Variants in FILIP1L observed in about 807,000 individuals in gnomAD.
FILIP1L encodes filamin A interacting protein 1 like.
A neutral mutation model predicts 96.6 loss-of-function variants in FILIP1L; 55 were observed. The ratio of observed to expected loss-of-function variants is 0.57; its 90% confidence interval spans 0.46 to 0.71. FILIP1L has a LOEUF of 0.71. FILIP1L is among the 30% of genes least tolerant of loss of function. The probability of loss-of-function intolerance (pLI) is 0.00; values close to 1 mark genes in which losing one functional copy is unlikely to be tolerated. For missense variants in FILIP1L, 1,304 were observed against 1,321.2 expected, an observed-to-expected ratio of 0.99 and a Z score of 0.20; for synonymous variants, 467 against 473.9, an observed-to-expected ratio of 0.99 and a Z score of 0.19.
chr3:100,073,766 A>G (rs1450358673), intron 1 of FILIP1L, among the ~76,000 whole-genome samples: 1 of 152,102 alleles, frequency 6.6e-6, no homozygotes, highest in Admixed American at 6.5e-5. Context: ...GCCGGGCAAG[A>G]TCTCCTGTTT....
chr3:100,046,270 A>G (rs1346963926), intron 1 of FILIP1L, among the ~76,000 whole-genome samples: 1 of 152,164 alleles, frequency 6.6e-6, no homozygotes, highest in African/African-American at 2.4e-5. Context: ...AGTTGTGAAA[A>G]TTCCTAATTC....
chr3:99,915,655 C>T (rs558294018), intron 4 of FILIP1L, among the ~76,000 whole-genome samples: 1 of 152,172 alleles, frequency 6.6e-6, no homozygotes, highest in East Asian at 1.9e-4. Flanking sequence ...TCACAGAGCA[C>T]TGTCTTGCCC....
intron 4 of FILIP1L, among the ~76,000 whole-genome samples, chr3:99,887,216 G>A (rs1236568300): frequency 2.0e-5 from 3 of 151,424 alleles, no homozygotes; most frequent in South Asian, 2.1e-4. Context: ...GCGGTTAGCC[G>A]AGATTGAGCC....
chr3:100,095,120 A>G (rs915235651), intron 1 of FILIP1L, among the ~76,000 whole-genome samples: 1 of 152,154 alleles, frequency 6.6e-6, no homozygotes, highest in Non-Finnish European at 1.5e-5. Context: ...ACCAGTACAT[A>G]CAGTCTTGAT....
intron 1 of FILIP1L, among the ~76,000 whole-genome samples, chr3:100,079,531 T>A (rs2065899880): frequency 6.6e-6 from 1 of 152,192 alleles, no homozygotes; most frequent in Non-Finnish European, 1.5e-5. Flanking sequence ...TATTTTATCA[T>A]GTCAGCAAAA....
intron 4 of FILIP1L, among the ~76,000 whole-genome samples, chr3:99,899,466 T>G (rs1006715216): frequency 2.6e-5 from 4 of 152,228 alleles, no homozygotes. Context: ...TTTCCATGAA[T>G]TATATTAATG....
At chr3:99,878,406 C>T (rs1705610046) in intron 4 of FILIP1L, among the ~76,000 whole-genome samples, 1 of 152,212 alleles carries the variant, frequency 6.6e-6, no homozygotes. Flanking sequence ...CACACCGCTA[C>T]TAAAGTAATG....
intron 1 of FILIP1L, among the ~76,000 whole-genome samples, chr3:100,030,600 G>A (rs2065007095): frequency 6.6e-6 from 1 of 152,106 alleles, no homozygotes; most frequent in African/African-American, 2.4e-5. Flanking sequence ...AAAAAAGCAG[G>A]CTAAGACTCC....
chr3:100,082,449 T>G (rs896938014), intron 1 of FILIP1L, among the ~76,000 whole-genome samples: 1 of 152,218 alleles, frequency 6.6e-6, no homozygotes, highest in Non-Finnish European at 1.5e-5. Context: ...GCTTTAAGAC[T>G]GGTAGTTAGT....
chr3:99,845,077 A>G (rs1213927752), intron 5 of FILIP1L, among the ~76,000 whole-genome samples: 1 of 152,204 alleles, frequency 6.6e-6, no homozygotes, highest in Non-Finnish European at 1.5e-5. Context: ...ATTGTAAAAT[A>G]TAGTTGTGGA....
At chr3:100,069,847 A>G (rs1281757325) in intron 1 of FILIP1L, among the ~76,000 whole-genome samples, 1 of 152,150 alleles carries the variant, frequency 6.6e-6, no homozygotes, top group Non-Finnish European at 1.5e-5. Flanking sequence ...GAGGGAGCTG[A>G]TATCTACCCT....
rs571482567 is a variant in FILIP1L, at chr3:99,964,656, C to T, written c.-10-33626G>A. Among the ~76,000 whole-genome samples, 4 of 152,170 alleles carry T rather than the reference C, an allele frequency of 2.6e-5. No individual in the cohort carries two copies. In the South Asian group the frequency reaches 8.3e-4, roughly 32 times the overall value. On this transcript the variant is annotated intron_variant, in intron 1 of 5. Transcript: ENST00000477258. ...ATGTGTTTCCTAAGCTAGAGCTTCC[C>T]AACCTGTTTCTCAATATGGCTCACA...
chr3:99,980,328 A>G (rs536872901), intron 1 of FILIP1L, among the ~76,000 whole-genome samples: 1 of 152,288 alleles, frequency 6.6e-6, no homozygotes, highest in South Asian at 2.1e-4. Flanking sequence ...CTCACCCGTA[A>G]TCTCTGAAGT....
intron 1 of FILIP1L, among the ~76,000 whole-genome samples, chr3:100,110,231 G>A (rs185220532): frequency 2.0e-5 from 3 of 152,230 alleles, no homozygotes; most frequent in East Asian, 3.9e-4. Context: ...CAAATGCAAA[G>A]GTTCTTAAAA....
intron 4 of FILIP1L, chr3:99,876,128 C>T: frequency 1.0e-6 from 1 of 986,292 alleles, no homozygotes; most frequent in Non-Finnish European, 1.2e-6. Context: ...TGTAGTGCCG[C>T]GCTGCGAGCC....
chr3:99,921,237 C>T (rs746736371), intron 4 of FILIP1L, among the ~76,000 whole-genome samples: 38 of 152,164 alleles, frequency 2.5e-4, no homozygotes, highest in Non-Finnish European at 1.5e-4. Flanking sequence ...AGGCACACTA[C>T]GGGTATTTCA....
rs550049010 is a variant in FILIP1L, at chr3:100,009,480, A to G, written c.-10-78450T>C. On this transcript the variant is annotated intron_variant, in intron 1 of 5. Coordinates refer to ENST00000477258, the MANE Select transcript of FILIP1L (RefSeq NM_001387850.1). The stretch of plus-strand genomic sequence containing the variant: ...GCTGGGGTGACTGTGGGTCAGAGCT[A>G]ATGCACATAGGCAAGCACGGTATAG... Among the ~76,000 whole-genome samples the G allele has an allele frequency of 4.6e-5, 7 of 152,156 alleles. No homozygotes were observed. The South Asian group carries it at 1.0e-3, about 23-fold the overall frequency.
At chr3:99,887,451 T>C (rs1011031632) in intron 4 of FILIP1L, among the ~76,000 whole-genome samples, 4 of 152,136 alleles carry the variant, frequency 2.6e-5, no homozygotes, top group African/African-American at 9.7e-5. Flanking sequence ...CTGCAGGCAA[T>C]TGTGCATGTG....
At chr3:99,959,374 T>C (rs1259610602) in intron 1 of FILIP1L, among the ~76,000 whole-genome samples, 3 of 152,222 alleles carry the variant, frequency 2.0e-5, no homozygotes, top group African/African-American at 7.2e-5. Flanking sequence ...GGTCTCGAAC[T>C]CCTGTCCTCT....
Sources: gnomAD v4.1 joint callset for allele counts (sites outside exome capture counted in the v4.1 genomes callset) on GRCh38, gnomAD v4.1.1 for gene constraint, MANE v1.5 for transcripts, NCBI Gene and HGNC (gene_info 2026-07-23, HGNC 2026-07-21) for gene names.